The following SIAH1 variants were observed in gnomAD, a reference collection of about 807,000 sequenced individuals.
SIAH1 encodes siah E3 ubiquitin protein ligase 1, also known as E3 ubiquitin-protein ligase SIAH1.
Under a neutral mutation model 20.0 loss-of-function variants are expected in SIAH1, and 2 were observed. The ratio of observed to expected loss-of-function variants is 0.10; its 90% CI spans 0.04 to 0.31. The LOEUF is 0.31. SIAH1 is among the 10% of genes least tolerant of loss of function. The pLI is 1.00. For missense variants in SIAH1, 119 were observed against 355.3 expected (o/e 0.33, Z 5.35); for synonymous variants, 118 against 125.3 (o/e 0.94, Z 0.39).
chr16:48,365,438 T>A (rs1960794411), intron 1 of SIAH1: 1 of 1,613,694 alleles, frequency 6.2e-7, no homozygotes, highest in African/African-American at 1.3e-5. Context: ...AAGACTCCCC[T>A]CCAGGAGTAC....
At chr16:48,375,376 C>T (rs1158128388) in intron 1 of SIAH1, among the ~76,000 whole-genome samples, 1 of 152,198 alleles carries the variant, frequency 6.6e-6, no homozygotes, top group Non-Finnish European at 1.5e-5. Context: ...CAGTAGCTCA[C>T]GCCTGTAATC....
Position 48,362,573 on chromosome 16 carries a change from A to T in SIAH1, c.-2-143T>A, listed in dbSNP as rs982461032. On this transcript the variant is annotated intron_variant, in intron 1 of 1. Transcript: ENST00000394725. The surrounding 1 kb of genome is among the most constrained non-coding windows in gnomAD (Gnocchi z 4.2). ...AGAGGAAGAAAAATAGGATTAAAAAAGATATTAAAAAAATAAAATTACACT... is the reference window on the plus strand; with the variant it reads ...AGAGGAAGAAAAATAGGATTAAAAATGATATTAAAAAAATAAAATTACACT... 1.3e-6 allele frequency: 1 copy of T among 791,366 alleles called. No homozygotes were observed. Among genetic ancestry groups the T allele is most frequent in the African/African-American group, 1.7e-5 (1 of 57,200 alleles). 49.0% of individuals were successfully genotyped at this position (791,366 alleles called of 1,614,324 possible). A position where few individuals can be genotyped will look rare whatever the true frequency, so the allele number is the denominator to read the frequency against.
intron 1 of SIAH1, among the ~76,000 whole-genome samples, chr16:48,378,748 T>G (rs2151053715): frequency 1.3e-5 from 2 of 152,278 alleles, no homozygotes; most frequent in Admixed American, 1.3e-4. Flanking sequence ...TCAACCTGTC[T>G]CTCTCTACTA....
intron 1 of SIAH1, among the ~76,000 whole-genome samples, chr16:48,375,520 C>G (rs1211430892): frequency 6.6e-6 from 1 of 152,110 alleles, no homozygotes; most frequent in Non-Finnish European, 1.5e-5. Flanking sequence ...CACCTGTAAT[C>G]CCAGCTACTA....
intron 1 of SIAH1, among the ~76,000 whole-genome samples, chr16:48,366,740 A>C (rs1424640319): frequency 1.3e-5 from 2 of 152,222 alleles, no homozygotes; most frequent in African/African-American, 4.8e-5. Context: ...ACCCAATGCA[A>C]GGAATTGCAG....
chr16:48,361,341 T>C lies in SIAH1; in HGVS notation c.*239A>G, dbSNP rs1555487114. On this transcript the variant is annotated 3_prime_UTR_variant, in exon 2 of 2. Coordinates refer to ENST00000394725, the MANE Select transcript of SIAH1 (RefSeq NM_003031.4). ...ATGCTTCCTTTCTTAATACAAAAGA[T>C]GCCCATCTTGGGTGTATATACATAT... 1 of 423,798 alleles carries C rather than the reference T, an allele frequency of 2.4e-6. No individual in the cohort carries two copies. Among genetic ancestry groups the C allele is most frequent in the Non-Finnish European group, 4.3e-6 (1 of 234,830 alleles). The allele number at this position is 423,798 out of a possible 1,614,324, so 26.3% of individuals were successfully genotyped here. A position where few individuals can be genotyped will look rare whatever the true frequency, so the allele number is the denominator to read the frequency against.
At chr16:48,371,220 C>A (rs1960979821) in intron 1 of SIAH1, among the ~76,000 whole-genome samples, 1 of 151,754 alleles carries the variant, frequency 6.6e-6, no homozygotes, top group Non-Finnish European at 1.5e-5. Context: ...GGCTGTACTG[C>A]ACCATGATTG....
chr16:48,362,609 T>A lies in SIAH1; in HGVS notation c.-2-179A>T, dbSNP rs1960639160. 1 of 630,730 alleles carries A rather than the reference T, an allele frequency of 1.6e-6. No individual in the cohort carries two copies. The highest frequency in any genetic ancestry group is 1.8e-5 in the African/African-American group (1 of 54,148). The allele number at this position is 630,730 out of a possible 1,614,324, so 39.1% of individuals were successfully genotyped here. ...AAATAAAATTACACTGAATGTGCACTTTATTAGGATCTGTACACTGGATAA... is the reference window on the plus strand; with the variant it reads ...AAATAAAATTACACTGAATGTGCACATTATTAGGATCTGTACACTGGATAA... On this transcript the variant is annotated intron_variant, in intron 1 of 1. Transcript: ENST00000394725. The surrounding 1 kb of genome is among the most constrained non-coding windows in gnomAD (Gnocchi z 4.2).
intron 1 of SIAH1, among the ~76,000 whole-genome samples, chr16:48,374,462 T>C (rs931012363): frequency 6.6e-6 from 1 of 152,194 alleles, no homozygotes; most frequent in Non-Finnish European, 1.5e-5. Flanking sequence ...AGTTTCAAAA[T>C]ACTACCTCCC....
At chr16:48,384,922 G>A (rs1188728357) in intron 1 of SIAH1, among the ~76,000 whole-genome samples, 5 of 145,064 alleles carry the variant, frequency 3.4e-5, no homozygotes, top group African/African-American at 7.4e-5. Context: ...CCCCGCCCTC[G>A]GCCCGGCCGC....
chr16:48,367,795 CA>C (rs66761553), intron 1 of SIAH1, among the ~76,000 whole-genome samples: 29,500 of 152,082 alleles, frequency 0.19, 3,378 homozygotes, highest in African/African-American at 0.31. Context: ...ACTAGTTTTA[CA>C]AAAAGCTGAA....
chr16:48,368,308 G>A (rs1960892896), intron 1 of SIAH1, among the ~76,000 whole-genome samples: 1 of 152,206 alleles, frequency 6.6e-6, no homozygotes, highest in South Asian at 2.1e-4. Context: ...ACAATAAACT[G>A]CTTTATAAAG....
chr16:48,375,562 C>A (rs1463679025), intron 1 of SIAH1, among the ~76,000 whole-genome samples: 1 of 151,924 alleles, frequency 6.6e-6, no homozygotes, highest in African/African-American at 2.4e-5. Context: ...TGCTTGAACG[C>A]AGGAGTTAGA....
rs779786637 is a variant in SIAH1 at position 48,362,474 on chromosome 16, C to T, written c.-2-44G>A. 6.3e-7 allele frequency: 1 copy of T among 1,591,934 alleles called. No homozygotes were observed. Among genetic ancestry groups the T allele is most frequent in the Admixed American group, 1.7e-5 (1 of 58,862 alleles). On this transcript the variant is annotated intron_variant, in intron 1 of 1. Transcript: ENST00000394725. This position sits in a 1 kb window ranked among gnomAD's most constrained non-coding sequence, Gnocchi z 4.2. Reference sequence around the variant, plus strand: ...GAGGCAGGAGAAAAATAATTATAACCATGACTTACTTTATAAATAATGTTT... The same window carrying T: ...GAGGCAGGAGAAAAATAATTATAACTATGACTTACTTTATAAATAATGTTT...
At chr16:48,365,073 G>A (rs1960778326) in intron 1 of SIAH1, 1 of 276,492 alleles carries the variant, frequency 3.6e-6, no homozygotes, top group Non-Finnish European at 6.9e-6. Flanking sequence ...TGGGAACGGA[G>A]GTATTACAGG....
chr16:48,385,681 A>G (rs929709438), upstream of SIAH1, among the ~76,000 whole-genome samples: 1 of 151,974 alleles, frequency 6.6e-6, no homozygotes, highest in Non-Finnish European at 1.5e-5. Context: ...GGCCCGCGAG[A>G]AGCTAGCGCT....
intron 1 of SIAH1, among the ~76,000 whole-genome samples, chr16:48,370,889 G>A (rs1960967745): frequency 6.6e-6 from 1 of 151,934 alleles, no homozygotes; most frequent in Non-Finnish European, 1.5e-5. Flanking sequence ...AAGGCTGGCG[G>A]GATCGCTTGA....
chr16:48,381,921 A>C (rs1961304070), intron 1 of SIAH1, among the ~76,000 whole-genome samples: 1 of 152,070 alleles, frequency 6.6e-6, no homozygotes. Flanking sequence ...TTTGGCGGGG[A>C]ATGTTGATAA....
chr16:48,380,943 A>AAAAAAAAAAAAAAAAAAAAAAC lies in SIAH1; in HGVS notation c.-3+4260_-3+4261insGTTTTTTTTTTTTTTTTTTTTT, dbSNP rs1411656699. On this transcript the variant is annotated intron_variant, in intron 1 of 1. Coordinates refer to ENST00000394725, the MANE Select transcript of SIAH1 (RefSeq NM_003031.4). ...GACTCCGTCTCAAAAAAAAAAAAAA[A>AAAAAAAAAAAAAAAAAAAAAAC]AAGAACGGCTAAAATCCAGAACAGT... 2.0e-5 allele frequency among the ~76,000 whole-genome samples: 3 copies of AAAAAAAAAAAAAAAAAAAAAAC among 148,092 alleles called. 1 individual carries two copies. The highest frequency in any genetic ancestry group is 5.0e-5 in the African/African-American group (2 of 40,358).
Sources: gnomAD v4.1 joint callset for allele counts (sites outside exome capture counted in the v4.1 genomes callset) on GRCh38, gnomAD v4.1.1 for gene constraint, Gnocchi (gnomAD v3.1) non-coding constraint, MANE v1.5 for transcripts, NCBI Gene and HGNC (gene_info 2026-07-23, HGNC 2026-07-21) for gene names.